The following EXOG variants were observed in gnomAD, a reference collection of about 807,000 sequenced individuals.
EXOG encodes exo/endonuclease G, also known as nuclease EXOG, mitochondrial.
EXOG carries 27 observed loss-of-function variants against 25.8 expected under a neutral mutation model. The ratio of observed to expected loss-of-function variants is 1.05; its 90% CI spans 0.77 to 1.45. EXOG has a LOEUF of 1.45. Among genes scored for constraint, EXOG ranks in the 40% most tolerant of loss-of-function variants. The pLI, the probability that EXOG is intolerant of heterozygous loss-of-function variation, is 0.00. For missense variants in EXOG, 458 were observed against 450.5 expected, an observed-to-expected ratio of 1.02 and a Z score of -0.15; for synonymous variants, 133 against 167.0, an observed-to-expected ratio of 0.80 and a Z score of 1.57.
At chr3:38,502,255 A>G (rs963547425) in intron 3 of EXOG, among the ~76,000 whole-genome samples, 1 of 121,632 alleles carries the variant, frequency 8.2e-6, no homozygotes, top group Non-Finnish European at 1.6e-5. Flanking sequence ...TTAGAGACAG[A>G]GTCTCGCTTT....
chr3:38,504,584 C>T (rs1049351683), intron 4 of EXOG, among the ~76,000 whole-genome samples: 41 of 152,058 alleles, frequency 2.7e-4, no homozygotes, highest in African/African-American at 9.9e-4. Flanking sequence ...TATAGGCACA[C>T]GCCACCACAC....
At chr3:38,499,347 G>A (rs1194643881) in intron 2 of EXOG, among the ~76,000 whole-genome samples, 2 of 152,180 alleles carry the variant, frequency 1.3e-5, no homozygotes, top group African/African-American at 4.8e-5. Context: ...AGGAGGCTTG[G>A]AATGTACTTG....
At chr3:38,497,849 G>T in intron 2 of EXOG, 71 bp downstream of exon 2, 2 of 1,515,754 alleles carry the variant, frequency 1.3e-6, no homozygotes, top group Non-Finnish European at 1.8e-6. Context: ...AAACAGGGAT[G>T]ATTATTAATA....
At chr3:38,501,294 A>G (rs2060036468) in intron 2 of EXOG, 61 bp from the exon 3 acceptor site, 1 of 1,497,356 alleles carries the variant, frequency 6.7e-7, no homozygotes, top group South Asian at 1.1e-5. Flanking sequence ...TGCCTTGCTT[A>G]GAGAATCTTG....
chr3:38,507,166 T>G (rs2060226668), intron 5 of EXOG, among the ~76,000 whole-genome samples, 198 bp downstream of exon 5: 1 of 152,234 alleles, frequency 6.6e-6, no homozygotes, highest in Non-Finnish European at 1.5e-5. Flanking sequence ...TAAAAGCAAC[T>G]ATTGACTTCA....
At chr3:38,501,231 T>C in intron 2 of EXOG, 124 bp from the exon 3 acceptor site, 1 of 725,126 alleles carries the variant, frequency 1.4e-6, no homozygotes, top group African/African-American at 1.7e-5. Context: ...GAGACATGCA[T>C]GCAATCCCTA....
rs537070948 is a variant in EXOG, at chr3:38,512,369, A to G, written c.645+5401A>G. Among the ~76,000 whole-genome samples the G allele has an allele frequency of 2.6e-5, 4 of 152,312 alleles. No homozygotes were observed. In the South Asian group the frequency reaches 8.3e-4, roughly 32 times the overall value. On this transcript the variant is annotated intron_variant, in intron 5 of 5. Coordinates refer to ENST00000287675, the MANE Select transcript of EXOG (RefSeq NM_005107.4). Reference sequence around the variant, plus strand: ...AAGCAGCATGAAAAGGTAAAGTCTCACTTATACTCCTTATCCCACTGTCCA... The same window carrying G: ...AAGCAGCATGAAAAGGTAAAGTCTCGCTTATACTCCTTATCCCACTGTCCA...
intron 5 of EXOG, among the ~76,000 whole-genome samples, chr3:38,518,281 A>G (rs577669799): frequency 6.6e-6 from 1 of 152,346 alleles, no homozygotes; most frequent in South Asian, 2.1e-4. Flanking sequence ...TGGTGGCAGA[A>G]ACTTCAAATG....
chr3:38,515,424 T>G (rs1193149129), intron 5 of EXOG: 1 of 159,236 alleles, frequency 6.3e-6, no homozygotes, highest in South Asian at 1.9e-4. Context: ...ACAGATGCCC[T>G]GGATCCCTCG....
Position 38,496,877 on chromosome 3 carries a change from T to C in EXOG, c.163+347T>C. On this transcript the variant is annotated intron_variant, in intron 1 of 5. Coordinates refer to ENST00000287675, the MANE Select transcript of EXOG (RefSeq NM_005107.4). ...TCCATAAGACTTGAGACTATGTCTG[T>C]TTTGGTCTCCATCATCTAACCAGCA... The C allele has an allele frequency of 4.0e-6, 5 of 1,259,504 alleles. No homozygotes were observed. In the South Asian group the frequency reaches 6.3e-5, roughly 16 times the overall value. The allele number at this position is 1,259,504 out of a possible 1,614,324, so 78.0% of individuals were successfully genotyped here. A position where few individuals can be genotyped will look rare whatever the true frequency, so the allele number is the denominator to read the frequency against.
intron 1 of EXOG, chr3:38,497,315 C>G: frequency 3.7e-6 from 4 of 1,086,136 alleles, no homozygotes; most frequent in Non-Finnish European, 4.5e-6. Flanking sequence ...GCACACATAT[C>G]AGTGCTTCAG....
chr3:38,510,302 C>A (rs1294005708), intron 5 of EXOG, among the ~76,000 whole-genome samples: 1 of 152,056 alleles, frequency 6.6e-6, no homozygotes, highest in Non-Finnish European at 1.5e-5. Flanking sequence ...GTAGTATGAT[C>A]TTAGATTAGA....
chr3:38,508,828 T>G (rs950036092), intron 5 of EXOG, among the ~76,000 whole-genome samples: 1 of 151,982 alleles, frequency 6.6e-6, no homozygotes, highest in African/African-American at 2.4e-5. Flanking sequence ...AGGATTTGTA[T>G]AGGTCCATAT....
At chr3:38,518,258 A>G (rs2051211) in intron 5 of EXOG, among the ~76,000 whole-genome samples, 35,131 of 152,116 alleles carry the variant, frequency 0.23, 4,134 homozygotes, top group East Asian at 0.32. Flanking sequence ...AAATAAAAGG[A>G]AAGTTTGGGG....
At position 38,524,109 on chromosome 3, in the gene EXOG, A is replaced by C; in HGVS notation, c.854A>C (p.Asp285Ala). The C allele has an allele frequency of 6.2e-7, 1 of 1,614,086 alleles. No homozygotes were observed. The highest frequency in any genetic ancestry group is 8.5e-7 in the Non-Finnish European group (1 of 1,179,972). The change falls in exon 6 of 6, where the codon GAT becomes GCT. Residue 285 changes from aspartate (D) to alanine (A), a missense_variant. Physicochemically the swap from Asp to Ala is moderately radical, Grantham distance 126 (BLOSUM62 -2). Transcript: ENST00000287675. ...GGACTGGTGTTTTTTCCTCATTTGG[A>C]TAGAACTAGTGATATCCGGAATATC... ...LSGLVFFPHL[D>A]RTSDIRNICS...
In EXOG at chr3:38,498,368, A is replaced by G. The variant is rs908367937; in HGVS notation, c.313+590A>G. Among the ~76,000 whole-genome samples the G allele has an allele frequency of 2.0e-5, 3 of 152,138 alleles. No homozygotes were observed. The East Asian group carries it at 5.8e-4, about 29-fold the overall frequency. On this transcript the variant is annotated intron_variant, in intron 2 of 5. Transcript: ENST00000287675. Reference sequence around the variant, plus strand: ...TCAGGAGTTTGAGATGAGCCTGGCCAACATGGCAAAACCGCGTTTCTACAA... The same window carrying G: ...TCAGGAGTTTGAGATGAGCCTGGCCGACATGGCAAAACCGCGTTTCTACAA...
intron 4 of EXOG, 73 bp from the exon 5 acceptor site, chr3:38,506,781 A>G (rs2060212152): frequency 3.1e-6 from 2 of 647,030 alleles, no homozygotes; most frequent in Non-Finnish European, 5.4e-6. Flanking sequence ...CTTTCATAGG[A>G]ATTGATATGA....
intron 5 of EXOG, among the ~76,000 whole-genome samples, chr3:38,522,222 C>T (rs2060738351): frequency 6.6e-6 from 1 of 152,180 alleles, no homozygotes; most frequent in African/African-American, 2.4e-5. Flanking sequence ...AGCAGATGGC[C>T]ATGGAGTTCC....
intron 3 of EXOG, among the ~76,000 whole-genome samples, chr3:38,501,740 T>TTTTA (rs556802635): frequency 1.3e-3 from 203 of 152,258 alleles, no homozygotes; most frequent in Non-Finnish European, 2.1e-3. Flanking sequence ...AGCTACTCAC[T>TTTTA]TTTATTTATT....
Sources: gnomAD v4.1 joint callset for allele counts (sites outside exome capture counted in the v4.1 genomes callset) on GRCh38, gnomAD v4.1.1 for gene constraint, MANE v1.5 for transcripts, NCBI Gene and HGNC (gene_info 2026-07-23, HGNC 2026-07-21) for gene names.